The following GARIN2 variants were observed in gnomAD, a reference collection of about 807,000 sequenced individuals.
GARIN2 encodes Golgi-associated RAB2 interactor protein 2.
At chr14:67,223,580 G>A in the GARIN2 span, 1 of 305,664 alleles carries the variant, frequency 3.3e-6, no homozygotes, top group Non-Finnish European at 4.8e-6. Context: ...TACAGCAAAT[G>A]AGCAGAAAAA....
At chr14:67,213,315 TC>T in the GARIN2 span, among the ~76,000 whole-genome samples, 2 of 69,710 alleles carry the variant, frequency 2.9e-5, no homozygotes, top group African/African-American at 6.3e-5. Context: ...CCCTCCCCCC[TC>T]CCCCCACCCC....
At chr14:67,198,344 T>A in the GARIN2 span, 1 of 1,594,758 alleles carries the variant, frequency 6.3e-7, no homozygotes, top group African/African-American at 1.3e-5. Context: ...AAGGCCTGAG[T>A]TAAGTTCCAA....
chr14:67,196,223 C>CTTTTTTTTTTT, the GARIN2 span, among the ~76,000 whole-genome samples: 1,325 of 142,828 alleles, frequency 9.3e-3, 6 homozygotes, highest in Non-Finnish European at 0.014. Flanking sequence ...TTCTTTCTTT[C>CTTTTTTTTTTT]TTTTTTTTTT....
At chr14:67,204,461 A>G in the GARIN2 span, 1 of 1,443,386 alleles carries the variant, frequency 6.9e-7, no homozygotes. Context: ...AAACAAATAT[A>G]TATATATATA....
the GARIN2 span, chr14:67,204,590 G>A: frequency 4.9e-5 from 79 of 1,613,678 alleles, no homozygotes; most frequent in Admixed American, 3.0e-4. Context: ...GAGAACATGA[G>A]CCTGAAAGTA....
At chr14:67,224,061 T>C in the GARIN2 span, 1 of 890,044 alleles carries the variant, frequency 1.1e-6, no homozygotes, top group African/African-American at 1.8e-5. Flanking sequence ...CCAGCAATGC[T>C]AGTTAGGGAC....
the GARIN2 span, among the ~76,000 whole-genome samples, chr14:67,214,598 G>A: frequency 2.0e-5 from 3 of 152,110 alleles, no homozygotes; most frequent in Non-Finnish European, 2.9e-5. Context: ...GTCAGGTAGC[G>A]TGGTGCCTCC....
At chr14:67,200,098 C>G in the GARIN2 span, 1 of 1,023,648 alleles carries the variant, frequency 9.8e-7, no homozygotes, top group Non-Finnish European at 1.5e-6. Context: ...TCCTGGACCT[C>G]CTCCAATGGG....
chr14:67,225,926 A>AGTGTGTGTGTGTGTGTGTGTGTGT, the GARIN2 span, among the ~76,000 whole-genome samples: 21 of 136,708 alleles, frequency 1.5e-4, no homozygotes, highest in South Asian at 1.2e-3. Flanking sequence ...TAATGCTGTG[A>AGTGTGTGTGTGTGTGTGTGTGTGT]GTGTGTGTGT....
the GARIN2 span, among the ~76,000 whole-genome samples, chr14:67,225,956 T>TGCGCGC: frequency 1.5e-5 from 2 of 136,228 alleles, no homozygotes; most frequent in African/African-American, 6.5e-5. Flanking sequence ...TGTGTGTGTG[T>TGCGCGC]GTGTGTGCGC....
chr14:67,223,715 C>G, the GARIN2 span: 1 of 979,372 alleles, frequency 1.0e-6, no homozygotes, highest in Non-Finnish European at 1.2e-6. Context: ...TTCTTTCCAC[C>G]TTTTTCTCCC....
chr14:67,201,887 T>C, the GARIN2 span: 1 of 178,950 alleles, frequency 5.6e-6, no homozygotes, highest in East Asian at 1.7e-4. Context: ...CATCCTCCAG[T>C]CTCTTCTTCT....
the GARIN2 span, among the ~76,000 whole-genome samples, chr14:67,210,164 C>T: frequency 9.2e-5 from 14 of 152,136 alleles, no homozygotes; most frequent in African/African-American, 2.4e-4. Flanking sequence ...TTGAATGTAG[C>T]GTTTCATATG....
chr14:67,199,604 T>C, the GARIN2 span: 2 of 1,591,154 alleles, frequency 1.3e-6, no homozygotes, highest in Non-Finnish European at 1.7e-6. Context: ...CGAGAAGGAC[T>C]CCAAGGGTGA....
chr14:67,221,869 G>C, the GARIN2 span: 1 of 1,590,678 alleles, frequency 6.3e-7, no homozygotes, highest in Non-Finnish European at 8.6e-7. Context: ...GTCATCTCTG[G>C]TTCCTAGAAG....
chr14:67,198,377 G>C, the GARIN2 span: 1 of 1,479,650 alleles, frequency 6.8e-7, no homozygotes, highest in Non-Finnish European at 9.3e-7. Flanking sequence ...TTTTCTCAAA[G>C]AAAACTGAAA....
At chr14:67,200,876 G>A in the GARIN2 span, among the ~76,000 whole-genome samples, 1 of 152,170 alleles carries the variant, frequency 6.6e-6, no homozygotes, top group Non-Finnish European at 1.5e-5. Context: ...GCAGTCTATA[G>A]GTCAGACGTT....
chr14:67,201,745 T>G, the GARIN2 span: 2 of 340,476 alleles, frequency 5.9e-6, no homozygotes, highest in Admixed American at 7.8e-5. Flanking sequence ...GGGCACAGTT[T>G]GGGTAAGTTA....
At chr14:67,211,702 G>GAGTA in the GARIN2 span, among the ~76,000 whole-genome samples, 1 of 152,160 alleles carries the variant, frequency 6.6e-6, no homozygotes, top group Admixed American at 6.5e-5. Context: ...GCTACAGTGG[G>GAGTA]AGTACCATCC....
Sources: allele counts gnomAD v4.1 joint callset (sites outside exome capture counted in the v4.1 genomes callset), GRCh38; gene constraint gnomAD v4.1.1; transcripts MANE v1.5; gene names NCBI Gene and HGNC (gene_info 2026-07-23, HGNC 2026-07-21).